The following QTGAL variants were observed in gnomAD, a reference collection of about 807,000 sequenced individuals.
The protein encoded by QTGAL is queuosine-tRNA galactosyltransferase, also known as BGnT-like protein 1.
At chr17:82,982,026 C>T in the QTGAL span, among the ~76,000 whole-genome samples, 2 of 151,332 alleles carry the variant, frequency 1.3e-5, no homozygotes, top group Non-Finnish European at 3.0e-5. Context: ...GTGGAGGAGC[C>T]TCCATCTTTC....
the QTGAL span, among the ~76,000 whole-genome samples, chr17:83,014,201 G>A: frequency 3.9e-5 from 6 of 152,272 alleles, no homozygotes; most frequent in African/African-American, 9.6e-5. Flanking sequence ...CTTCTAAAAC[G>A]CTGATTAAAA....
the QTGAL span, among the ~76,000 whole-genome samples, chr17:82,986,552 T>C: frequency 6.6e-6 from 1 of 152,260 alleles, no homozygotes; most frequent in African/African-American, 2.4e-5. Context: ...AAGGTCTTTT[T>C]CTTCCCCCGC....
chr17:82,946,569 A>AGTGCGTGTGTGTGTGTGT, the QTGAL span, among the ~76,000 whole-genome samples: 8 of 150,192 alleles, frequency 5.3e-5, no homozygotes, highest in African/African-American at 1.5e-4. Flanking sequence ...ACAGAACCCA[A>AGTGCGTGTGTGTGTGTGT]GTGTGTGTGT....
chr17:82,990,877 T>C, the QTGAL span, among the ~76,000 whole-genome samples: 1,787 of 152,184 alleles, frequency 0.012, 26 homozygotes, highest in African/African-American at 0.041. Flanking sequence ...CTCTGCCATA[T>C]CAGGGTTCAG....
chr17:82,943,340 C>G, the QTGAL span: 2 of 152,268 alleles, frequency 1.3e-5, no homozygotes, highest in Middle Eastern at 3.4e-3. Context: ...GGTAGCAACC[C>G]ACACCCATCT....
chr17:82,997,800 A>G, the QTGAL span, among the ~76,000 whole-genome samples: 23 of 152,044 alleles, frequency 1.5e-4, no homozygotes, highest in African/African-American at 5.6e-4. Context: ...GTTCTCGCTT[A>G]TTTGTGGGAG....
At chr17:82,974,155 G>A in the QTGAL span, among the ~76,000 whole-genome samples, 3 of 152,294 alleles carry the variant, frequency 2.0e-5, no homozygotes, top group Non-Finnish European at 2.9e-5. Context: ...TGTCCTCTAC[G>A]GAGCTGGCAG....
At chr17:83,016,016 G>A in the QTGAL span, among the ~76,000 whole-genome samples, 2 of 152,194 alleles carry the variant, frequency 1.3e-5, no homozygotes, top group Non-Finnish European at 2.9e-5. Context: ...GGGGGAAGTC[G>A]AGGTGGGGGC....
the QTGAL span, chr17:82,957,139 A>C: frequency 6.2e-7 from 1 of 1,611,122 alleles, no homozygotes; most frequent in Middle Eastern, 1.7e-4. Flanking sequence ...GCCCCGGAGC[A>C]GGTGGTTGAC....
chr17:82,998,617 T>C, the QTGAL span, among the ~76,000 whole-genome samples: 2 of 152,116 alleles, frequency 1.3e-5, no homozygotes, highest in African/African-American at 4.8e-5. Flanking sequence ...AGTGCTGGGA[T>C]TACAGGCGTG....
At chr17:82,958,857 T>C in the QTGAL span, among the ~76,000 whole-genome samples, 1 of 92,428 alleles carries the variant, frequency 1.1e-5, no homozygotes, top group Non-Finnish European at 2.2e-5. Context: ...ACTGGGGGTG[T>C]ATGGTGTGTG....
At chr17:82,970,853 G>T in the QTGAL span, among the ~76,000 whole-genome samples, 1 of 152,244 alleles carries the variant, frequency 6.6e-6, no homozygotes, top group Non-Finnish European at 1.5e-5. Context: ...CATGCTTCTG[G>T]TTGGGGTATG....
the QTGAL span, among the ~76,000 whole-genome samples, chr17:83,017,921 A>C: frequency 6.9e-6 from 1 of 144,896 alleles, no homozygotes; most frequent in Non-Finnish European, 1.5e-5. Context: ...CGTGCTCCAC[A>C]AACACGGTGC....
chr17:82,947,084 C>T, the QTGAL span: 1 of 975,612 alleles, frequency 1.0e-6, no homozygotes, highest in African/African-American at 1.6e-5. Flanking sequence ...CCTGTGTCCA[C>T]CTGTCAAGTG....
the QTGAL span, among the ~76,000 whole-genome samples, chr17:83,026,961 G>C: frequency 1.1e-5 from 1 of 89,850 alleles, no homozygotes; most frequent in African/African-American, 4.8e-5. Context: ...CACACAGAGC[G>C]GGGCAGGGAG....
At chr17:83,042,668 G>A in the QTGAL span, among the ~76,000 whole-genome samples, 1 of 151,148 alleles carries the variant, frequency 6.6e-6, no homozygotes. Context: ...ATAGAAAGCA[G>A]ATAGCAAAGT....
chr17:82,947,274 G>GCCCCC, the QTGAL span: 18 of 435,906 alleles, frequency 4.1e-5, no homozygotes, highest in Non-Finnish European at 7.4e-5. Context: ...GGAATGGAAT[G>GCCCCC]AGACTAACAG....
chr17:82,984,251 A>C, the QTGAL span, among the ~76,000 whole-genome samples: 2 of 99,794 alleles, frequency 2.0e-5, no homozygotes, highest in African/African-American at 5.0e-5. Context: ...AGCACACAGG[A>C]GGCCATATGA....
the QTGAL span, among the ~76,000 whole-genome samples, chr17:83,017,906 C>G: frequency 1.3e-5 from 2 of 151,510 alleles, no homozygotes; most frequent in African/African-American, 4.9e-5. Context: ...GCATCAGGTA[C>G]CACACGTGCT....
Sources: gnomAD v4.1 joint callset for allele counts (sites outside exome capture counted in the v4.1 genomes callset) on GRCh38, gnomAD v4.1.1 for gene constraint, MANE v1.5 for transcripts, NCBI Gene and HGNC (gene_info 2026-07-23, HGNC 2026-07-21) for gene names.